SNAP47: variants seen among roughly 807,000 people sequenced by gnomAD.
SNAP47 encodes synaptosome associated protein 47, also known as synaptosomal-associated protein 47.
SNAP47 carries 20 observed loss-of-function variants against 31.4 expected under a neutral mutation model. That is an observed-to-expected ratio of 0.64 (90% CI 0.45 to 0.93). The LOEUF is 0.93. Ranked by LOEUF, SNAP47 falls within the 40% of genes least tolerant of loss-of-function variation. The pLI is 0.00. For synonymous variants in SNAP47, 194 were observed against 213.4 expected (o/e 0.91, Z 0.79); for missense variants, 492 against 528.5 (o/e 0.93, Z 0.68).
At position 227,747,967 on chromosome 1, in the gene SNAP47, G is replaced by A. The variant is rs1300143777; in HGVS notation, c.231G>A (p.Lys77=). ...SITILEKGHA[K]HWFSSLRPSR... ...CCATCCTGGAGAAGGGCCATGCCAA[G>A]CACTGGTTCAGCTCCCTGCGGCCAA... is the stretch of plus-strand genomic sequence containing the variant. Residue 77 remains lysine (K), a synonymous_variant, in exon 2 of 5, where the codon AAG becomes AAA. Coordinates refer to ENST00000617596, the MANE Select transcript of SNAP47 (RefSeq NM_053052.4). 2.5e-6 allele frequency: 4 copies of A among 1,614,224 alleles called. No homozygotes were observed. The highest frequency in any genetic ancestry group is 3.4e-6 in the Non-Finnish European group (4 of 1,180,042).
intron 4 of SNAP47, 76 bp downstream of exon 4, chr1:227,767,159 A>G: frequency 6.4e-7 from 1 of 1,573,456 alleles, no homozygotes; most frequent in South Asian, 1.2e-5. Flanking sequence ...TGCCTTTCTG[A>G]TCACAAACAA....
Position 227,780,715 on chromosome 1 carries a change from C to T in SNAP47, c.*42C>T, listed in dbSNP as rs368867293. 56 of 1,610,556 alleles carry T rather than the reference C, an allele frequency of 3.5e-5. No homozygotes were observed. Among genetic ancestry groups the T allele is most frequent in the Admixed American group, 1.8e-4 (11 of 59,874 alleles). On this transcript the variant is annotated 3_prime_UTR_variant, in exon 5 of 5. Coordinates refer to ENST00000617596, the MANE Select transcript of SNAP47 (RefSeq NM_053052.4). Reference sequence around the variant, plus strand: ...CATTCCTGTCTCACCCTGCACATCCCGCTGAGATGGAGGGCTGGGCGGCAG... The same window carrying T: ...CATTCCTGTCTCACCCTGCACATCCTGCTGAGATGGAGGGCTGGGCGGCAG...
upstream of SNAP47, chr1:227,735,014 T>A (rs766845110): frequency 6.5e-7 from 1 of 1,539,716 alleles, no homozygotes; most frequent in Non-Finnish European, 8.7e-7. Flanking sequence ...CGCCCCACCG[T>A]AGGTCCGTAG....
intron 1 of SNAP47, among the ~76,000 whole-genome samples, chr1:227,737,830 G>C (rs971639230): frequency 6.6e-6 from 1 of 151,344 alleles, no homozygotes; most frequent in African/African-American, 2.5e-5. Context: ...GTGTGATTCA[G>C]TGCGTGCTAT....
At chr1:227,760,898 G>A (rs1337380899) in intron 3 of SNAP47, among the ~76,000 whole-genome samples, 1 of 152,036 alleles carries the variant, frequency 6.6e-6, no homozygotes, top group East Asian at 1.9e-4. Flanking sequence ...CTTTTATCTT[G>A]CCATGGTAAA....
intron 1 of SNAP47, among the ~76,000 whole-genome samples, chr1:227,743,676 T>C (rs983702084): frequency 1.3e-5 from 2 of 152,218 alleles, no homozygotes; most frequent in Non-Finnish European, 2.9e-5. Context: ...TCACTATCTG[T>C]CTGCTCCCCT....
rs1420933401 is a variant in SNAP47, at chr1:227,762,508, G to T, written c.988+3023G>T. The stretch of plus-strand genomic sequence containing the variant: ...AGCTTCCCTGTGTTTACTGCTCTCA[G>T]CTGGAAACTGTGGGCTCCCTGGAGG... On this transcript the variant is annotated intron_variant, in intron 3 of 4. Transcript: ENST00000617596. This position sits in a 1 kb window ranked among gnomAD's most constrained non-coding sequence, Gnocchi z 4.2. Among the ~76,000 whole-genome samples, 1 of 152,242 alleles carries T rather than the reference G, an allele frequency of 6.6e-6. No individual in the cohort carries two copies. The highest frequency in any genetic ancestry group is 2.1e-4 in the South Asian group (1 of 4,836).
intron 3 of SNAP47, among the ~76,000 whole-genome samples, chr1:227,766,716 T>C (rs940198292): frequency 1.3e-5 from 2 of 152,200 alleles, no homozygotes; most frequent in Non-Finnish European, 2.9e-5. Flanking sequence ...ATAAAACCAC[T>C]TGGGATGTAG....
intron 4 of SNAP47, among the ~76,000 whole-genome samples, chr1:227,774,561 A>T (rs1447962760): frequency 1.3e-5 from 2 of 152,078 alleles, no homozygotes; most frequent in African/African-American, 4.8e-5. Context: ...CTCGAGGTGT[A>T]GGTGAGAGGC....
chr1:227,759,665 T>C, intron 3 of SNAP47, 180 bp downstream of exon 3: 1 of 727,758 alleles, frequency 1.4e-6, no homozygotes, highest in Non-Finnish European at 2.2e-6. Context: ...TTCCTTGTAC[T>C]TGACATCTGT....
chr1:227,746,813 C>T (rs984178789), intron 1 of SNAP47: 1 of 152,270 alleles, frequency 6.6e-6, no homozygotes, highest in Admixed American at 6.5e-5. Flanking sequence ...TTGGACCTTT[C>T]TCTGCTGTCA....
At position 227,771,538 on chromosome 1, in the gene SNAP47, C is replaced by A. The variant is rs962963678; in HGVS notation, c.1113+4455C>A. Among the ~76,000 whole-genome samples the A allele has an allele frequency of 5.3e-5, 8 of 152,294 alleles. No homozygotes were observed. In the South Asian group the frequency reaches 6.2e-4, roughly 12 times the overall value. ...GGTGCCCTGTAACTCAGACTTATGG[C>A]AGCTGAGTGGAGGCGGCATCACAGG... is the stretch of plus-strand genomic sequence containing the variant. On this transcript the variant is annotated intron_variant, in intron 4 of 4. Coordinates refer to ENST00000617596, the MANE Select transcript of SNAP47 (RefSeq NM_053052.4).
At chr1:227,735,808 T>G (rs1661098908) in intron 1 of SNAP47, 1 of 816,154 alleles carries the variant, frequency 1.2e-6, no homozygotes, top group Non-Finnish European at 1.5e-6. Context: ...GAGGAGATGG[T>G]GGGGACCTGG....
rs1302610424 is a variant in SNAP47 at position 227,741,130 on chromosome 1, T to TG, written c.-46+5636dup. 6.6e-6 allele frequency among the ~76,000 whole-genome samples: 1 copy of TG among 151,772 alleles called. No individual in the cohort carries two copies. The highest frequency in any genetic ancestry group is 1.5e-5 in the Non-Finnish European group (1 of 67,944). On this transcript the variant is annotated intron_variant, in intron 1 of 4. Coordinates refer to ENST00000617596, the MANE Select transcript of SNAP47 (RefSeq NM_053052.4). This position sits in a 1 kb window ranked among gnomAD's most constrained non-coding sequence, Gnocchi z 4.2. Reference sequence around the variant, plus strand: ...GTGAAGTTCAAGTGCCTGTTAGGGGTGGGGGCAGATCAGCGAGTGATCAGA... The same window carrying TG: ...GTGAAGTTCAAGTGCCTGTTAGGGGTGGGGGGCAGATCAGCGAGTGATCAGA...
intron 2 of SNAP47, among the ~76,000 whole-genome samples, chr1:227,753,269 A>G (rs1273487247): frequency 6.6e-6 from 1 of 152,216 alleles, no homozygotes; most frequent in African/African-American, 2.4e-5. Flanking sequence ...TGGAGGCTAA[A>G]GCAACTCCAT....
At chr1:227,758,001 GAAAC>G (rs777818471) in intron 2 of SNAP47, among the ~76,000 whole-genome samples, 10 of 152,316 alleles carry the variant, frequency 6.6e-5, no homozygotes, top group Non-Finnish European at 1.3e-4. Flanking sequence ...CATGGGGAAA[GAAAC>G]AAATGAGCTC....
At chr1:227,737,510 A>G (rs978589473) in intron 1 of SNAP47, among the ~76,000 whole-genome samples, 1 of 152,214 alleles carries the variant, frequency 6.6e-6, no homozygotes, top group Non-Finnish European at 1.5e-5. Flanking sequence ...TCCAGACCAA[A>G]CAGAGGCATC....
intron 2 of SNAP47, among the ~76,000 whole-genome samples, chr1:227,749,513 C>T (rs1289179781): frequency 6.6e-6 from 1 of 152,144 alleles, no homozygotes; most frequent in Admixed American, 6.5e-5. Flanking sequence ...GCTGGTACTC[C>T]CTCCTCATCA....
chr1:227,759,540 G>C, intron 3 of SNAP47, 55 bp downstream of exon 3: 1 of 1,577,580 alleles, frequency 6.3e-7, no homozygotes, highest in East Asian at 2.2e-5. Flanking sequence ...ATTACAGGCA[G>C]ACTCAGCACG....
Sources: allele counts gnomAD v4.1 joint callset (sites outside exome capture counted in the v4.1 genomes callset), GRCh38; gene constraint gnomAD v4.1.1; non-coding constraint Gnocchi (gnomAD v3.1); transcripts MANE v1.5; gene names NCBI Gene and HGNC (gene_info 2026-07-23, HGNC 2026-07-21).